The following SYNPR variants were observed in gnomAD, a reference collection of about 807,000 sequenced individuals.
SYNPR encodes the protein synaptoporin.
In SYNPR, 23 loss-of-function variants were observed where a neutral mutation model predicts 32.9. That is an observed-to-expected ratio of 0.70 (90% confidence interval 0.50 to 0.99). SYNPR has a LOEUF of 0.99. Ranked by LOEUF, SYNPR falls within the 50% of genes least tolerant of loss-of-function variation. The probability of loss-of-function intolerance (pLI) is 0.00; values close to 1 mark genes in which losing one functional copy is unlikely to be tolerated. For synonymous variants in SYNPR, 146 were observed against 135.9 expected (o/e 1.07, Z -0.52); for missense variants, 318 against 349.3 (o/e 0.91, Z 0.71).
chr3:63,346,810 C>A (rs1340586250), intron 2 of SYNPR, among the ~76,000 whole-genome samples: 1 of 152,110 alleles, frequency 6.6e-6, no homozygotes, highest in Non-Finnish European at 1.5e-5. Context: ...TGTCGGCTTG[C>A]CTTAATAAAC....
At chr3:63,400,596 T>C (rs141989228) in intron 2 of SYNPR, among the ~76,000 whole-genome samples, 1 of 152,214 alleles carries the variant, frequency 6.6e-6, no homozygotes, top group African/African-American at 2.4e-5. Flanking sequence ...GAAGCCACAG[T>C]GCCTTTTTCG....
At chr3:63,377,474 T>C (rs1348064396) in intron 2 of SYNPR, among the ~76,000 whole-genome samples, 1 of 152,014 alleles carries the variant, frequency 6.6e-6, no homozygotes, top group Non-Finnish European at 1.5e-5. Context: ...TTCAGGACAA[T>C]AGCAAATTTC....
intron 3 of SYNPR, among the ~76,000 whole-genome samples, chr3:63,510,083 T>C (rs1479317507): frequency 1.3e-5 from 2 of 151,892 alleles, no homozygotes; most frequent in South Asian, 4.1e-4. Context: ...GGGTTGATGG[T>C]GAGTATGTGG....
At chr3:63,380,036 C>T (rs1411363900) in intron 2 of SYNPR, among the ~76,000 whole-genome samples, 1 of 152,172 alleles carries the variant, frequency 6.6e-6, no homozygotes, top group Non-Finnish European at 1.5e-5. Context: ...TTTATGGCTG[C>T]ATAGTATTCC....
Position 63,503,464 on chromosome 3 carries a change from C to T in SYNPR, c.209+22508C>T, listed in dbSNP as rs530115552. 3.9e-5 allele frequency among the ~76,000 whole-genome samples: 6 copies of T among 152,136 alleles called. No individual in the cohort carries two copies. The East Asian group carries it at 9.7e-4, about 24-fold the overall frequency. ...CAAGTGCTGGCAAAATATTGTGGCACGTCTTATAATTGTACAATATCAAAA... is the reference window on the plus strand; with the variant it reads ...CAAGTGCTGGCAAAATATTGTGGCATGTCTTATAATTGTACAATATCAAAA... On this transcript the variant is annotated intron_variant, in intron 3 of 5. Transcript: ENST00000478300.
chr3:63,271,970 G>A (rs2086540255), intron 3 of SYNPR, among the ~76,000 whole-genome samples: 1 of 152,002 alleles, frequency 6.6e-6, no homozygotes. Flanking sequence ...GAGAAAGGAA[G>A]AAAAGAGAAT....
At chr3:63,273,632 A>C (rs758168200), upstream of SYNPR, among the ~76,000 whole-genome samples, 19 of 152,226 alleles carry the variant, frequency 1.2e-4, no homozygotes, top group Non-Finnish European at 2.6e-4. Context: ...ATATGGAAAC[A>C]GAAATAGTAA....
At chr3:63,414,565 A>T (rs1200835199) in intron 2 of SYNPR, among the ~76,000 whole-genome samples, 1 of 152,208 alleles carries the variant, frequency 6.6e-6, no homozygotes, top group Admixed American at 6.5e-5. Flanking sequence ...ATTCAGATTG[A>T]TTGCAAAAAC....
At chr3:63,462,952 T>C (rs570757462) in intron 2 of SYNPR, among the ~76,000 whole-genome samples, 74 of 152,224 alleles carry the variant, frequency 4.9e-4, no homozygotes, top group African/African-American at 1.7e-3. Context: ...GGTGAATGGA[T>C]GTTGGGTTCC....
At chr3:63,548,606 G>C (rs1427010547) in intron 3 of SYNPR, among the ~76,000 whole-genome samples, 1 of 152,176 alleles carries the variant, frequency 6.6e-6, no homozygotes, top group African/African-American at 2.4e-5. Context: ...ATAGGGAAGA[G>C]AGGGATAAAA....
chr3:63,576,014 G>C (rs1007381766), intron 4 of SYNPR, among the ~76,000 whole-genome samples: 3 of 152,112 alleles, frequency 2.0e-5, no homozygotes, highest in Non-Finnish European at 4.4e-5. Context: ...AGACAATAAA[G>C]TTACTATCTT....
chr3:63,610,503 T>C, intron 5 of SYNPR: 1 of 700,168 alleles, frequency 1.4e-6, no homozygotes, highest in East Asian at 2.7e-5. Context: ...CGAAGGCACT[T>C]AAGAAGAGAG....
At chr3:63,332,950 T>C (rs2087246058) in intron 2 of SYNPR, among the ~76,000 whole-genome samples, 1 of 152,078 alleles carries the variant, frequency 6.6e-6, no homozygotes, top group Non-Finnish European at 1.5e-5. Flanking sequence ...TAGATATCAG[T>C]AATACATCCC....
intron 2 of SYNPR, among the ~76,000 whole-genome samples, chr3:63,366,132 T>A (rs2087727495): frequency 6.6e-6 from 1 of 152,176 alleles, no homozygotes; most frequent in Admixed American, 6.6e-5. Flanking sequence ...AGAGACAGAA[T>A]CTTAATTAGC....
chr3:63,330,932 T>C (rs1418989267), intron 2 of SYNPR, among the ~76,000 whole-genome samples: 3 of 152,186 alleles, frequency 2.0e-5, no homozygotes, highest in Non-Finnish European at 2.9e-5. Flanking sequence ...ACGATGAAAC[T>C]GTCTGTTCAG....
At chr3:63,299,164 A>T (rs2086818992) in intron 2 of SYNPR, among the ~76,000 whole-genome samples, 1 of 152,154 alleles carries the variant, frequency 6.6e-6, no homozygotes, top group Admixed American at 6.5e-5. Flanking sequence ...GCTTAGGAAA[A>T]GAAAGGATAT....
chr3:63,607,562 G>T (rs1036778287), intron 4 of SYNPR, among the ~76,000 whole-genome samples: 1 of 152,146 alleles, frequency 6.6e-6, no homozygotes, highest in Non-Finnish European at 1.5e-5. Flanking sequence ...AAAGTAAAAA[G>T]AAGAAAGGGA....
intron 2 of SYNPR, among the ~76,000 whole-genome samples, chr3:63,438,929 A>C (rs531431335): frequency 6.6e-6 from 1 of 152,222 alleles, no homozygotes; most frequent in Non-Finnish European, 1.5e-5. Flanking sequence ...TCCTACTGCA[A>C]TGAAGAAATC....
chr3:63,400,576 G>C (rs889832346), intron 2 of SYNPR, among the ~76,000 whole-genome samples: 1 of 152,208 alleles, frequency 6.6e-6, no homozygotes, highest in Non-Finnish European at 1.5e-5. Context: ...CCAGGAGAGA[G>C]ATCAAGGAGG....
Sources: gnomAD v4.1 joint callset for allele counts (sites outside exome capture counted in the v4.1 genomes callset) on GRCh38, gnomAD v4.1.1 for gene constraint, MANE v1.5 for transcripts, NCBI Gene and HGNC (gene_info 2026-07-23, HGNC 2026-07-21) for gene names.